MOXD1: variants seen among roughly 807,000 people sequenced by gnomAD.
MOXD1 encodes the protein monooxygenase DBH like 1.
A neutral mutation model predicts 66.6 loss-of-function variants in MOXD1; 62 were observed. The ratio of observed to expected loss-of-function variants is 0.93; its 90% confidence interval spans 0.76 to 1.15. The LOEUF (loss-of-function observed/expected upper bound fraction) is 1.15, where lower values mean the gene tolerates loss of function less well. Among genes scored for constraint, MOXD1 ranks in the 50% most tolerant of loss-of-function variants. The pLI is 0.00. For missense variants in MOXD1, 847 were observed against 754.6 expected (o/e 1.12, Z -1.44); for synonymous variants, 303 against 281.9 (o/e 1.07, Z -0.75).
intron 4 of MOXD1, among the ~76,000 whole-genome samples, chr6:132,371,067 G>T (rs1353503230): frequency 6.6e-6 from 1 of 152,114 alleles, no homozygotes; most frequent in Non-Finnish European, 1.5e-5. Context: ...ATTAATGTTT[G>T]CCAGAAAGTG....
intron 9 of MOXD1, among the ~76,000 whole-genome samples, chr6:132,317,834 T>C (rs765476769): frequency 2.0e-5 from 3 of 152,146 alleles, no homozygotes; most frequent in Non-Finnish European, 4.4e-5. Context: ...ATTACTATCT[T>C]AATATTTTAT....
At chr6:132,381,978 C>T (rs1776521140) in intron 1 of MOXD1, among the ~76,000 whole-genome samples, 1 of 152,046 alleles carries the variant, frequency 6.6e-6, no homozygotes, top group Non-Finnish European at 1.5e-5. Flanking sequence ...CTATTATGCA[C>T]TCATGGTAAA....
intron 9 of MOXD1, 89 bp downstream of exon 9, chr6:132,320,540 T>C: frequency 9.0e-7 from 1 of 1,114,352 alleles, no homozygotes; most frequent in Non-Finnish European, 1.3e-6. Context: ...TCTTTCTAAA[T>C]GGAAATGGTT....
At chr6:132,355,335 C>T (rs1017796459) in intron 4 of MOXD1, among the ~76,000 whole-genome samples, 1 of 152,158 alleles carries the variant, frequency 6.6e-6, no homozygotes, top group Admixed American at 6.5e-5. Context: ...CCACTGCTTC[C>T]TCTATCCCTG....
intron 10 of MOXD1, among the ~76,000 whole-genome samples, chr6:132,312,712 T>A (rs779744837): frequency 6.6e-6 from 1 of 151,530 alleles, no homozygotes; most frequent in Non-Finnish European, 1.5e-5. Context: ...CCAACTTGAG[T>A]ATTTCCTGAG....
At chr6:132,300,306 G>A (rs1774503908) in intron 10 of MOXD1, among the ~76,000 whole-genome samples, 1 of 152,046 alleles carries the variant, frequency 6.6e-6, no homozygotes, top group South Asian at 2.1e-4. Flanking sequence ...TTAGTATCAA[G>A]CAAAAACTTG....
Position 132,401,328 on chromosome 6 carries a change from C to G in MOXD1, c.99G>C (p.Ser33=). The G allele has an allele frequency of 6.3e-7, 1 of 1,588,290 alleles. No individual in the cohort carries two copies. ...TCCAGCCCAGCCAGTACTTGCCCTC[C>G]GAGTCCAGGAGGGTCCGGTGCGGAT... The part of the protein sequence containing the change: ...RTYPHRTLLD[S]EGKYWLGWSQ... The change falls in exon 1 of 12, where the codon TCG becomes TCC. Residue 33 remains serine (S), a synonymous_variant. Coordinates refer to ENST00000367963, the MANE Select transcript of MOXD1 (RefSeq NM_015529.4).
intron 4 of MOXD1, among the ~76,000 whole-genome samples, chr6:132,370,157 A>G (rs1417235700): frequency 6.6e-6 from 1 of 152,120 alleles, no homozygotes; most frequent in African/African-American, 2.4e-5. Flanking sequence ...CATAAAATGA[A>G]AAATAAGGAG....
Position 132,328,064 on chromosome 6 carries a change from G to T in MOXD1, c.895C>A (p.Pro299Thr). 6.2e-7 allele frequency: 1 copy of T among 1,613,908 alleles called. No homozygotes were observed. Among genetic ancestry groups the T allele is most frequent in the Non-Finnish European group, 8.5e-7 (1 of 1,179,890 alleles). ...TGGACTTCTAGGAGCACATAATGCG[G>T]ATCTAATGGAGTGCCAAGGGATAAT... The part of the protein sequence containing the change: ...VGLSLGTPLD[P>T]HYVLLEVHYD... Residue 299 changes from proline to threonine, a missense_variant, in exon 6 of 12, where the codon CCG becomes ACG. Transcript: ENST00000367963.
intron 2 of MOXD1, among the ~76,000 whole-genome samples, chr6:132,373,611 C>A (rs1027113482): frequency 6.6e-6 from 1 of 151,952 alleles, no homozygotes; most frequent in African/African-American, 2.4e-5. Flanking sequence ...ACTGGTTTAC[C>A]ACAACTATGG....
At chr6:132,321,125 C>T (rs1296672516) in intron 8 of MOXD1, among the ~76,000 whole-genome samples, 1 of 152,022 alleles carries the variant, frequency 6.6e-6, no homozygotes, top group Non-Finnish European at 1.5e-5. Flanking sequence ...ATTAGCCAGG[C>T]GTGGTTGCGG....
At chr6:132,333,771 C>T (rs1209577902) in intron 4 of MOXD1, among the ~76,000 whole-genome samples, 1 of 152,160 alleles carries the variant, frequency 6.6e-6, no homozygotes, top group Non-Finnish European at 1.5e-5. Context: ...CGTGAGCTTA[C>T]CTTCTGATGG....
intron 6 of MOXD1, among the ~76,000 whole-genome samples, chr6:132,324,806 G>GT (rs1301810349): frequency 2.0e-5 from 3 of 152,140 alleles, no homozygotes; most frequent in African/African-American, 7.2e-5. Flanking sequence ...TCCTTCTGCA[G>GT]TAACTAACAG....
At position 132,328,497 on chromosome 6, in the gene MOXD1, C is replaced by T. The variant is rs1455479883; in HGVS notation, c.761G>A (p.Gly254Asp). 1.9e-6 allele frequency: 3 copies of T among 1,613,970 alleles called. No homozygotes were observed. The highest frequency in any genetic ancestry group is 2.7e-5 in the African/African-American group (2 of 74,878). The change falls in exon 5 of 12, where the codon GGC (glycine) becomes GAC (aspartate). Residue 254 changes from glycine to aspartate, a missense_variant. Coordinates refer to ENST00000367963, the MANE Select transcript of MOXD1 (RefSeq NM_015529.4). ...NNFNDSVLES[G>D]HECYHPNMPD... ...CATGTTGGGGTGATAGCACTCGTGG[C>T]CGGACTCCAGAACGCTGTCGTTAAA... is the stretch of plus-strand genomic sequence containing the variant.
At chr6:132,335,242 C>T (rs1280837072) in intron 4 of MOXD1, among the ~76,000 whole-genome samples, 2 of 151,132 alleles carry the variant, frequency 1.3e-5, no homozygotes, top group African/African-American at 4.9e-5. Context: ...TTCAAATAGC[C>T]AATTACCTAA....
At chr6:132,339,876 T>A (rs1775514275) in intron 4 of MOXD1, among the ~76,000 whole-genome samples, 1 of 151,254 alleles carries the variant, frequency 6.6e-6, no homozygotes, top group African/African-American at 2.4e-5. Context: ...TCTTTTTTTT[T>A]TTTTTTTTTC....
intron 4 of MOXD1, among the ~76,000 whole-genome samples, chr6:132,355,967 C>CA (rs1206299693): frequency 1.3e-5 from 2 of 152,006 alleles, no homozygotes. Flanking sequence ...TCCCGTTCGG[C>CA]AAAAAAAGCC....
intron 11 of MOXD1, 50 bp from the exon 12 acceptor site, chr6:132,297,367 C>A (rs1774426451): frequency 6.3e-7 from 1 of 1,581,398 alleles, no homozygotes; most frequent in Admixed American, 1.7e-5. Flanking sequence ...TTTAAGGCAG[C>A]ACAGTGACCA....
chr6:132,358,846 C>T (rs1357694854), intron 4 of MOXD1, among the ~76,000 whole-genome samples: 1 of 152,052 alleles, frequency 6.6e-6, no homozygotes, highest in East Asian at 1.9e-4. Context: ...AGTATTTTTT[C>T]AAAGCTTGGT....
Sources: allele counts gnomAD v4.1 joint callset (sites outside exome capture counted in the v4.1 genomes callset), GRCh38; gene constraint gnomAD v4.1.1; transcripts MANE v1.5; gene names NCBI Gene and HGNC (gene_info 2026-07-23, HGNC 2026-07-21).